PIK3R5: variants seen among roughly 807,000 people sequenced by gnomAD.
PIK3R5 encodes the protein phosphoinositide 3-kinase regulatory subunit 5.
In PIK3R5, 32 loss-of-function variants were observed where a neutral mutation model predicts 94.9. That is an observed-to-expected ratio of 0.34 (90% confidence interval 0.25 to 0.45). The LOEUF (loss-of-function observed/expected upper bound fraction) is 0.45, where lower values mean the gene tolerates loss of function less well. Among genes scored for constraint, PIK3R5 ranks in the 20% least tolerant of loss-of-function variants. The probability of loss-of-function intolerance (pLI) is 1.00; values close to 1 mark genes in which losing one functional copy is unlikely to be tolerated. For synonymous variants in PIK3R5, 443 were observed against 479.4 expected (o/e 0.92, Z 0.99); for missense variants, 853 against 1,144.6 (o/e 0.75, Z 3.68).
At chr17:8,902,846 A>ATT (rs35776068) in intron 5 of PIK3R5, among the ~76,000 whole-genome samples, 55,287 of 139,952 alleles carry the variant, frequency 0.4, 11,096 homozygotes, top group African/African-American at 0.46. Flanking sequence ...TTTAGATAGA[A>ATT]TTTTTTTTTT....
chr17:8,905,723 G>A lies in PIK3R5; in HGVS notation c.219C>T (p.Gly73=). 6.2e-7 allele frequency: 1 copy of A among 1,604,100 alleles called. No homozygotes were observed. ...CCAGCGGGGTGAGCAGGTCGTAGGT[G>A]CCCTTCTCCTGGACCTGTGGAGAGG... ...LQKTREVQEK[G]TYDLLTPLAL... is the part of the protein sequence containing the mutation. The change falls in exon 4 of 19, where the codon GGC becomes GGT. Residue 73 remains glycine (G), a synonymous_variant. Transcript: ENST00000447110.
Position 8,893,046 on chromosome 17 carries a change from CTGTG to C in PIK3R5, c.482+536_482+539del, listed in dbSNP as rs199732856. Among the ~76,000 whole-genome samples the C allele has an allele frequency of 3.8e-3, 511 of 135,818 alleles. 1 individual carries two copies. Among genetic ancestry groups the C allele is most frequent in the Middle Eastern group, 7.2e-3 (2 of 278 alleles). 89.1% of individuals were successfully genotyped at this position (135,818 alleles called of 152,430 possible). A position where few individuals can be genotyped will look rare whatever the true frequency, so the allele number is the denominator to read the frequency against. On this transcript the variant is annotated intron_variant, in intron 6 of 18. Transcript: ENST00000447110. The surrounding 1 kb of genome is among the most constrained non-coding windows in gnomAD (Gnocchi z 5.1). ...GTAACCAGGATACATTTCATTTCAGCTGTGTGTGTGTGTGTGTGTGTGTGTGTGT... is the reference window on the plus strand; with the variant it reads ...GTAACCAGGATACATTTCATTTCAGCTGTGTGTGTGTGTGTGTGTGTGTGT...
chr17:8,919,888 C>CTT lies in PIK3R5; in HGVS notation c.-13-8383_-13-8382dup, dbSNP rs11290606. On this transcript the variant is annotated intron_variant, in intron 1 of 18. Coordinates refer to ENST00000447110, the MANE Select transcript of PIK3R5 (RefSeq NM_001142633.3). The stretch of plus-strand genomic sequence containing the variant: ...TCTTTCTCTTTTTTTCTTTTTCCTT[C>CTT]TTTTTTTTTTTTTTTTTTTTGGACG... Among the ~76,000 whole-genome samples the CTT allele has an allele frequency of 5.7e-4, 61 of 107,608 alleles. 1 individual carries two copies. The highest frequency in any genetic ancestry group is 1.5e-3 in the East Asian group (6 of 3,934). 70.6% of individuals were successfully genotyped at this position (107,608 alleles called of 152,430 possible). A position where few individuals can be genotyped will look rare whatever the true frequency, so the allele number is the denominator to read the frequency against.
At chr17:8,956,783 G>T (rs771787256) in intron 1 of PIK3R5, among the ~76,000 whole-genome samples, 1 of 152,218 alleles carries the variant, frequency 6.6e-6, no homozygotes, top group Non-Finnish European at 1.5e-5. Context: ...CAACCTGGAG[G>T]TGAGATAGGT....
At position 8,886,218 on chromosome 17, in the gene PIK3R5, G is replaced by T; in HGVS notation, c.2128+11C>A. 1 of 1,603,096 alleles carries T rather than the reference G, an allele frequency of 6.2e-7. No homozygotes were observed. ...CGCCTCACCGTCTGTCTCTGCTCAG[G>T]CAGTACCCACCTGACGCCTTGATGG... On this transcript the variant is annotated intron_variant, in intron 14 of 18. Transcript: ENST00000447110.
rs952660466 is a variant in PIK3R5 at position 8,919,556 on chromosome 17, A to T, written c.-13-8049T>A. ...ATGTTCAAGTTATGTTTTCATTTTAATGTCAGTCTAGATACAGTTCATAGT... is the reference window on the plus strand; with the variant it reads ...ATGTTCAAGTTATGTTTTCATTTTATTGTCAGTCTAGATACAGTTCATAGT... On this transcript the variant is annotated intron_variant, in intron 1 of 18. Transcript: ENST00000447110. Among the ~76,000 whole-genome samples the T allele has an allele frequency of 3.3e-5, 5 of 152,204 alleles. No individual in the cohort carries two copies. In the South Asian group the frequency reaches 8.3e-4, roughly 25 times the overall value.
chr17:8,891,727 G>A (rs1421610794), intron 6 of PIK3R5, among the ~76,000 whole-genome samples: 2 of 151,012 alleles, frequency 1.3e-5, no homozygotes, highest in African/African-American at 4.9e-5. Context: ...CTCCCAAATA[G>A]CTGGGACTAC....
At chr17:8,923,495 T>A (rs745805454) in intron 1 of PIK3R5, among the ~76,000 whole-genome samples, 1 of 152,162 alleles carries the variant, frequency 6.6e-6, no homozygotes, top group Non-Finnish European at 1.5e-5. Flanking sequence ...GTAAATGAAG[T>A]ATGCTGTAGG....
rs2089594464 is a variant in PIK3R5, at chr17:8,879,010, T to C, written c.*1629A>G. 1 of 152,112 alleles carries C rather than the reference T, an allele frequency of 6.6e-6. No homozygotes were observed. The highest frequency in any genetic ancestry group is 2.1e-4 in the South Asian group (1 of 4,828). The allele number at this position is 152,112 out of a possible 1,614,324, so 9.4% of individuals were successfully genotyped here. On this transcript the variant is annotated 3_prime_UTR_variant, in exon 19 of 19. Transcript: ENST00000447110. This position sits in a 1 kb window ranked among gnomAD's most constrained non-coding sequence, Gnocchi z 4.4. Reference sequence around the variant, plus strand: ...ATCACATAATAAGACAACCTGCCCATACAGCAAAAACATATTGAAGATACA... The same window carrying C: ...ATCACATAATAAGACAACCTGCCCACACAGCAAAAACATATTGAAGATACA...
chr17:8,886,114 G>A, intron 14 of PIK3R5, 115 bp downstream of exon 14: 1 of 786,300 alleles, frequency 1.3e-6, no homozygotes, highest in Non-Finnish European at 2.1e-6. Flanking sequence ...CCTACCTCCT[G>A]TGCAACCCCA....
chr17:8,953,801 C>T (rs1185747540), intron 1 of PIK3R5, among the ~76,000 whole-genome samples: 2 of 152,200 alleles, frequency 1.3e-5, no homozygotes, highest in Non-Finnish European at 2.9e-5. Context: ...ACAACAAGGG[C>T]TCTGGACACA....
chr17:8,916,807 C>T (rs1244212400), intron 1 of PIK3R5: 1 of 152,326 alleles, frequency 6.6e-6, no homozygotes, highest in Admixed American at 6.5e-5. Context: ...CTTCCCAAGG[C>T]AGCCCACGAT....
rs751077626 is a variant in PIK3R5 at position 8,911,389 on chromosome 17, G to A, written c.103+3C>T. 5.6e-6 allele frequency: 9 copies of A among 1,598,686 alleles called. No individual in the cohort carries two copies. Among genetic ancestry groups the A allele is most frequent in the East Asian group, 4.5e-5 (2 of 44,878 alleles). ...AACACCTCCCCGGCTCCCTTGGACC[G>A]ACCTGACCAGGAGGTGGAGCGGCGG... On this transcript the variant is annotated splice_donor_region_variant and intron_variant, in intron 2 of 18. Transcript: ENST00000447110. The surrounding 1 kb of genome is among the most constrained non-coding windows in gnomAD (Gnocchi z 5.3).
intron 1 of PIK3R5, among the ~76,000 whole-genome samples, chr17:8,956,386 C>G (rs2091467082): frequency 6.6e-6 from 1 of 152,050 alleles, no homozygotes; most frequent in Non-Finnish European, 1.5e-5. Context: ...TAAGGTGGCA[C>G]CATGAGGGAA....
At chr17:8,934,294 A>G (rs1383514399) in intron 1 of PIK3R5, among the ~76,000 whole-genome samples, 1 of 152,254 alleles carries the variant, frequency 6.6e-6, no homozygotes, top group African/African-American at 2.4e-5. Context: ...TACCAATTTG[A>G]AAGTGAAGTT....
At chr17:8,942,960 T>A (rs955870033) in intron 1 of PIK3R5, among the ~76,000 whole-genome samples, 27 of 34,198 alleles carry the variant, frequency 7.9e-4, no homozygotes, top group Non-Finnish European at 8.0e-4. Context: ...GCAGATCACG[T>A]CATACACACA....
intron 5 of PIK3R5, among the ~76,000 whole-genome samples, chr17:8,894,468 T>A (rs1468533016): frequency 6.6e-6 from 1 of 152,188 alleles, no homozygotes; most frequent in African/African-American, 2.4e-5. Flanking sequence ...GACTGTGGTC[T>A]GGCCTGGCGT....
intron 1 of PIK3R5, chr17:8,916,782 T>A (rs1384617262): frequency 6.6e-6 from 1 of 152,092 alleles, no homozygotes; most frequent in African/African-American, 2.4e-5. Flanking sequence ...AGGTGTAGGG[T>A]CTGCCTGGGT....
Position 8,890,165 on chromosome 17 carries a change from G to A in PIK3R5, c.658-39C>T, listed in dbSNP as rs375790820. On this transcript the variant is annotated intron_variant, in intron 7 of 18. Transcript: ENST00000447110. The surrounding 1 kb of genome is among the most constrained non-coding windows in gnomAD (Gnocchi z 6.1). ...AGGAGATGGGCTTTGCTCCTGGACC[G>A]TGAGCTAGCTGTCCACCTGTTCCAG... 70 of 1,604,098 alleles carry A rather than the reference G, an allele frequency of 4.4e-5. No homozygotes were observed. Among genetic ancestry groups the A allele is most frequent in the Admixed American group, 1.8e-4 (11 of 59,846 alleles).
Sources: allele counts gnomAD v4.1 joint callset (sites outside exome capture counted in the v4.1 genomes callset), GRCh38; gene constraint gnomAD v4.1.1; non-coding constraint Gnocchi (gnomAD v3.1); transcripts MANE v1.5; gene names NCBI Gene and HGNC (gene_info 2026-07-23, HGNC 2026-07-21).